Variants in FOXD1 observed in about 807,000 individuals in gnomAD.
The protein encoded by FOXD1 is forkhead box protein D1.
In FOXD1, 4 loss-of-function variants were observed where a neutral mutation model predicts 2.0. The observed-to-expected ratio is 2.03, with a 90% confidence interval of 1.00 to 4.64. The LOEUF is 4.64. FOXD1 is among the 30% of genes most tolerant of loss of function. The pLI is 0.01. For synonymous variants in FOXD1, 354 were observed against 328.5 expected (o/e 1.08, Z -0.84); for missense variants, 586 against 647.6 (o/e 0.90, Z 1.03).
chr5:73,447,185 G>C lies in FOXD1; in HGVS notation c.1178C>G (p.Ser393Trp). The C allele has an allele frequency of 9.7e-7, 1 of 1,035,592 alleles. No homozygotes were observed. The highest frequency in any genetic ancestry group is 1.2e-6 in the Non-Finnish European group (1 of 866,560). 64.2% of individuals were successfully genotyped at this position (1,035,592 alleles called of 1,614,324 possible). A position where few individuals can be genotyped will look rare whatever the true frequency, so the allele number is the denominator to read the frequency against. ...TGGCGGCGCCGCCACCGGCGAGGGC[G>C]AGGGCGAGGCCTGAGCGGCGGCGGC... ...QAAAAAQASP[S>W]PSPVAAPPAP... The change falls in exon 1 of 1, where the codon TCG becomes TGG. Residue 393 changes from serine (S) to tryptophan (W), a missense_variant. Around this residue, in one of 4 missense-constraint regions of FOXD1, gnomAD observed 253 missense variants for 234.4 expected, o/e 1.08. Coordinates refer to ENST00000615637, the MANE Select transcript of FOXD1 (RefSeq NM_004472.3). The surrounding 1 kb of genome is among the most constrained non-coding windows in gnomAD (Gnocchi z 7.8).
At position 73,448,345 on chromosome 5, in the gene FOXD1, C is replaced by T. The variant is rs1423864143; in HGVS notation, c.18G>A (p.Glu6=). 1.4e-6 allele frequency: 2 copies of T among 1,429,956 alleles called. No individual in the cohort carries two copies. Among genetic ancestry groups the T allele is most frequent in the Admixed American group, 2.5e-5 (1 of 39,988 alleles). 88.6% of individuals were successfully genotyped at this position (1,429,956 alleles called of 1,614,324 possible). A position where few individuals can be genotyped will look rare whatever the true frequency, so the allele number is the denominator to read the frequency against. ...CGGCGAGGCCAGAGGCATCGGACAT[C>T]TCAGTGCTCAGGGTCATAGCTGTGG... is the stretch of plus-strand genomic sequence containing the variant. MTLST[E]MSDASGLAEE... is the part of the protein sequence containing the mutation. Residue 6 remains glutamate (E), a synonymous_variant, in exon 1 of 1, where the codon GAG becomes GAA. Transcript: ENST00000615637.
Position 73,446,828 on chromosome 5 carries a change from A to C in FOXD1, c.*137T>G. 2.6e-6 allele frequency: 2 copies of C among 760,646 alleles called. No homozygotes were observed. Among genetic ancestry groups the C allele is most frequent in the East Asian group, 6.4e-5 (2 of 31,302 alleles). 47.1% of individuals were successfully genotyped at this position (760,646 alleles called of 1,614,324 possible). On this transcript the variant is annotated 3_prime_UTR_variant, in exon 1 of 1. Coordinates refer to ENST00000615637, the MANE Select transcript of FOXD1 (RefSeq NM_004472.3). ...CGGGCTGTTGACAGTTTTGTCCGAG[A>C]ATTCGCAGCGGCGAAAATGGGCGCG...
Position 73,447,560 on chromosome 5 carries a change from G to T in FOXD1, c.803C>A (p.Ala268Asp), listed in dbSNP as rs1261388835. ...FPPAPPPPPHAYGYGPYGCGY... is the reference protein window; with the variant it reads ...FPPAPPPPPHDYGYGPYGCGY... ...GCAGCCGTAGGGGCCGTAGCCGTAG[G>T]CATGCGGGGGCGGCGGGGGCGCGGG... The change falls in exon 1 of 1, where the codon GCC becomes GAC. Residue 268 changes from alanine to aspartate, a missense_variant. This residue lies in a region of FOXD1 where 253 missense variants were observed against 234.4 expected (regional missense o/e 1.08). Transcript: ENST00000615637. The surrounding 1 kb of genome is among the most constrained non-coding windows in gnomAD (Gnocchi z 7.8). The T allele has an allele frequency of 2.7e-5, 29 of 1,072,100 alleles. 1 individual carries two copies. Among genetic ancestry groups the T allele is most frequent in the Non-Finnish European group, 3.2e-5 (28 of 884,728 alleles). 66.4% of individuals were successfully genotyped at this position (1,072,100 alleles called of 1,614,324 possible). A position where few individuals can be genotyped will look rare whatever the true frequency, so the allele number is the denominator to read the frequency against.
Position 73,447,328 on chromosome 5 carries a change from G to A in FOXD1, c.1035C>T (p.Ser345=). 1.0e-6 allele frequency: 1 copy of A among 984,516 alleles called. No individual in the cohort carries two copies. The highest frequency in any genetic ancestry group is 1.2e-6 in the Non-Finnish European group (1 of 830,832). The allele number at this position is 984,516 out of a possible 1,614,324, so 61.0% of individuals were successfully genotyped here. A position where few individuals can be genotyped will look rare whatever the true frequency, so the allele number is the denominator to read the frequency against. ...GAALPGPLPA[S]AAKAGGPGAS... ...CGCCCGGGCCGCCCGCCTTGGCCGC[G>A]GAGGCCGGCAGGGGGCCGGGTAGGG... The change falls in exon 1 of 1, where the codon TCC becomes TCT. Residue 345 remains serine, a synonymous_variant. Coordinates refer to ENST00000615637, the MANE Select transcript of FOXD1 (RefSeq NM_004472.3). This position sits in a 1 kb window ranked among gnomAD's most constrained non-coding sequence, Gnocchi z 7.8.
chr5:73,448,525 GC>G lies in FOXD1; in HGVS notation c.-164del. On this transcript the variant is annotated 5_prime_UTR_variant, in exon 1 of 1. Transcript: ENST00000615637. ...GCTGCGCCGGGGCTGCCGGGTGGCG[GC>G]GGAGTCTCGCGCGCCGACTTTATAA... 4.3e-6 allele frequency: 1 copy of G among 234,316 alleles called. No individual in the cohort carries two copies. The highest frequency in any genetic ancestry group is 7.0e-6 in the Non-Finnish European group (1 of 143,422). 14.5% of individuals were successfully genotyped at this position (234,316 alleles called of 1,614,324 possible).
chr5:73,448,156 CT>C lies in FOXD1; in HGVS notation c.206del (p.Glu69GlyfsTer56). The C allele has an allele frequency of 1.4e-6, 2 of 1,426,132 alleles. No individual in the cohort carries two copies. Among genetic ancestry groups the C allele is most frequent in the South Asian group, 1.4e-5 (1 of 73,042 alleles). The allele number at this position is 1,426,132 out of a possible 1,614,324, so 88.3% of individuals were successfully genotyped here. A position where few individuals can be genotyped will look rare whatever the true frequency, so the allele number is the denominator to read the frequency against. ...YAGEDELEDL[E>X]EEEDDDDILL... ...GGATGTCATCGTCGTCCTCCTCCTC[CT>C]CCAGATCCTCCAGCTCGTCCTCCCC... On this transcript the variant is annotated frameshift_variant, in exon 1 of 1. Transcript: ENST00000615637. LOFTEE classifies it low-confidence loss of function (END_TRUNC).
At position 73,447,130 on chromosome 5, in the gene FOXD1, C is replaced by A; in HGVS notation, c.1233G>T (p.Ala411=). Residue 411 remains alanine (A), a synonymous_variant, in exon 1 of 1, where the codon GCG becomes GCT. Coordinates refer to ENST00000615637, the MANE Select transcript of FOXD1 (RefSeq NM_004472.3). This position sits in a 1 kb window ranked among gnomAD's most constrained non-coding sequence, Gnocchi z 7.8. ...PAPGSSGGGC[A]AQAAVGPAAA... ...CCGCCGGGCCCACGGCCGCCTGCGC[C>A]GCGCAGCCTCCTCCGCTGGATCCGG... The A allele has an allele frequency of 1.2e-5, 14 of 1,203,650 alleles. No individual in the cohort carries two copies. Among genetic ancestry groups the A allele is most frequent in the Non-Finnish European group, 1.4e-5 (14 of 968,902 alleles). 74.6% of individuals were successfully genotyped at this position (1,203,650 alleles called of 1,614,324 possible).
At position 73,447,581 on chromosome 5, in the gene FOXD1, G is replaced by A. The variant is rs1351593650; in HGVS notation, c.782C>T (p.Ala261Val). 1 of 1,120,632 alleles carries A rather than the reference G, an allele frequency of 8.9e-7. No homozygotes were observed. 69.4% of individuals were successfully genotyped at this position (1,120,632 alleles called of 1,614,324 possible). Reference protein sequence around the residue: ...PAAAAALFPPAPPPPPHAYGY... With the variant: ...PAAAAALFPPVPPPPPHAYGY... ...GTAGGCATGCGGGGGCGGCGGGGGCGCGGGCGGGAAGAGCGCGGCGGCGGC... is the reference window on the plus strand; with the variant it reads ...GTAGGCATGCGGGGGCGGCGGGGGCACGGGCGGGAAGAGCGCGGCGGCGGC... The change falls in exon 1 of 1, where the codon GCG (alanine) becomes GTG (valine). Residue 261 changes from alanine (A) to valine (V), a missense_variant. Physicochemically the swap from Ala to Val is moderately conservative, Grantham distance 64 (BLOSUM62 0). This residue lies in a region of FOXD1 where 253 missense variants were observed against 234.4 expected (regional missense o/e 1.08). Coordinates refer to ENST00000615637, the MANE Select transcript of FOXD1 (RefSeq NM_004472.3). The surrounding 1 kb of genome is among the most constrained non-coding windows in gnomAD (Gnocchi z 7.8).
In FOXD1 at chr5:73,447,848, C is replaced by T; in HGVS notation, c.515G>A (p.Ser172Asn). 1 of 1,611,632 alleles carries T rather than the reference C, an allele frequency of 6.2e-7. No individual in the cohort carries two copies. Among genetic ancestry groups the T allele is most frequent in the Non-Finnish European group, 8.5e-7 (1 of 1,178,864 alleles). Residue 172 changes from serine (S) to asparagine (N), a missense_variant, in exon 1 of 1, where the codon AGC (serine) becomes AAC (asparagine). Physicochemically the swap from Ser to Asn is conservative, Grantham distance 46. Around this residue, in one of 4 missense-constraint regions of FOXD1, gnomAD observed 104 missense variants for 175.4 expected, o/e 0.59. Coordinates refer to ENST00000615637, the MANE Select transcript of FOXD1 (RefSeq NM_004472.3). This position sits in a 1 kb window ranked among gnomAD's most constrained non-coding sequence, Gnocchi z 7.8. Reference sequence around the variant, plus strand: ...GTTGAGCGAGAGGTTGTGGCGGATGCTGTTCTGCCAGGCGGGGAACTTCTC... The same window carrying T: ...GTTGAGCGAGAGGTTGTGGCGGATGTTGTTCTGCCAGGCGGGGAACTTCTC... Reference protein sequence around the residue: ...YREKFPAWQNSIRHNLSLNDC... With the variant: ...YREKFPAWQNNIRHNLSLNDC...
chr5:73,447,292 C>T lies in FOXD1; in HGVS notation c.1071G>A (p.Leu357=), dbSNP rs2112139032. 3.2e-5 allele frequency: 32 copies of T among 986,448 alleles called. No homozygotes were observed. Among genetic ancestry groups the T allele is most frequent in the Non-Finnish European group, 3.8e-5 (32 of 832,622 alleles). 61.1% of individuals were successfully genotyped at this position (986,448 alleles called of 1,614,324 possible). A position where few individuals can be genotyped will look rare whatever the true frequency, so the allele number is the denominator to read the frequency against. The change falls in exon 1 of 1, where the codon CTG becomes CTA. Residue 357 remains leucine (L), a synonymous_variant. Transcript: ENST00000615637. The surrounding 1 kb of genome is among the most constrained non-coding windows in gnomAD (Gnocchi z 7.8). ...AKAGGPGASA[L]ARSPFSIESI... is the part of the protein sequence containing the mutation. ...TCTCGATGGAGAAGGGCGAGCGCGC[C>T]AGCGCTGAGGCGCCCGGGCCGCCCG...
rs941327560 is a variant in FOXD1 at position 73,447,114 on chromosome 5, C to G, written c.1249G>C (p.Gly417Arg). 1 of 1,266,108 alleles carries G rather than the reference C, an allele frequency of 7.9e-7. No individual in the cohort carries two copies. The highest frequency in any genetic ancestry group is 1.6e-5 in the African/African-American group (1 of 62,280). The allele number at this position is 1,266,108 out of a possible 1,614,324, so 78.4% of individuals were successfully genotyped here. ...GATCGGGTGAGCGCGGCCGCCGGGCCCACGGCCGCCTGCGCCGCGCAGCCT... is the reference window on the plus strand; with the variant it reads ...GATCGGGTGAGCGCGGCCGCCGGGCGCACGGCCGCCTGCGCCGCGCAGCCT... Reference protein sequence around the residue: ...GGGCAAQAAVGPAAALTRSLV... With the variant: ...GGGCAAQAAVRPAAALTRSLV... The change falls in exon 1 of 1, where the codon GGC (glycine) becomes CGC (arginine). Residue 417 changes from glycine to arginine, a missense_variant. Physicochemically the swap from Gly to Arg is moderately radical, Grantham distance 125. This residue lies in a region of FOXD1 where 46 missense variants were observed against 78.6 expected (regional missense o/e 0.58). Coordinates refer to ENST00000615637, the MANE Select transcript of FOXD1 (RefSeq NM_004472.3). This position sits in a 1 kb window ranked among gnomAD's most constrained non-coding sequence, Gnocchi z 7.8.
chr5:73,447,623 C>T lies in FOXD1; in HGVS notation c.740G>A (p.Gly247Asp). 1 of 1,343,852 alleles carries T rather than the reference C, an allele frequency of 7.4e-7. No individual in the cohort carries two copies. Among genetic ancestry groups the T allele is most frequent in the East Asian group, 3.1e-5 (1 of 32,054 alleles). 83.2% of individuals were successfully genotyped at this position (1,343,852 alleles called of 1,614,324 possible). A position where few individuals can be genotyped will look rare whatever the true frequency, so the allele number is the denominator to read the frequency against. The change falls in exon 1 of 1, where the codon GGC becomes GAC. Residue 247 changes from glycine (G) to aspartate (D), a missense_variant. Gly to Asp is a moderately conservative substitution (Grantham distance 94, BLOSUM62 -1). Around this residue, in one of 4 missense-constraint regions of FOXD1, gnomAD observed 253 missense variants for 234.4 expected, o/e 1.08. Transcript: ENST00000615637. This position sits in a 1 kb window ranked among gnomAD's most constrained non-coding sequence, Gnocchi z 7.8. Reference protein sequence around the residue: ...LLLRGAGAAGGAGDPAAAAAL... With the variant: ...LLLRGAGAAGDAGDPAAAAAL... ...GGCGGCGGCTGCCGGGTCGCCCGCG[C>T]CCCCTGCGGCTCCCGCGCCGCGCAG...
Position 73,447,135 on chromosome 5 carries a change from A to T in FOXD1, c.1228T>A (p.Cys410Ser). 2 of 1,193,654 alleles carry T rather than the reference A, an allele frequency of 1.7e-6. No individual in the cohort carries two copies. Among genetic ancestry groups the T allele is most frequent in the Non-Finnish European group, 2.1e-6 (2 of 962,878 alleles). 73.9% of individuals were successfully genotyped at this position (1,193,654 alleles called of 1,614,324 possible). The change falls in exon 1 of 1, where the codon TGC (cysteine) becomes AGC (serine). Residue 410 changes from cysteine to serine, a missense_variant. Physicochemically the swap from Cys to Ser is moderately radical, Grantham distance 112. Around this residue, in one of 4 missense-constraint regions of FOXD1, gnomAD observed 253 missense variants for 234.4 expected, o/e 1.08. Coordinates refer to ENST00000615637, the MANE Select transcript of FOXD1 (RefSeq NM_004472.3). The surrounding 1 kb of genome is among the most constrained non-coding windows in gnomAD (Gnocchi z 7.8). ...GGGCCCACGGCCGCCTGCGCCGCGC[A>T]GCCTCCTCCGCTGGATCCGGGAGCT... ...PPAPGSSGGG[C>S]AAQAAVGPAA...
At position 73,447,122 on chromosome 5, in the gene FOXD1, G is replaced by T; in HGVS notation, c.1241C>A (p.Ala414Glu). 4.9e-6 allele frequency: 6 copies of T among 1,225,402 alleles called. No homozygotes were observed. The highest frequency in any genetic ancestry group is 6.1e-6 in the Non-Finnish European group (6 of 982,484). The allele number at this position is 1,225,402 out of a possible 1,614,324, so 75.9% of individuals were successfully genotyped here. A position where few individuals can be genotyped will look rare whatever the true frequency, so the allele number is the denominator to read the frequency against. Residue 414 changes from alanine to glutamate, a missense_variant, in exon 1 of 1, where the codon GCG (alanine) becomes GAG (glutamate). Coordinates refer to ENST00000615637, the MANE Select transcript of FOXD1 (RefSeq NM_004472.3). The surrounding 1 kb of genome is among the most constrained non-coding windows in gnomAD (Gnocchi z 7.8). ...GSSGGGCAAQAAVGPAAALTR... is the reference protein window; with the variant it reads ...GSSGGGCAAQEAVGPAAALTR... ...GAGCGCGGCCGCCGGGCCCACGGCC[G>T]CCTGCGCCGCGCAGCCTCCTCCGCT...
In FOXD1 at chr5:73,448,368, T is replaced by G; in HGVS notation, c.-6A>C. On this transcript the variant is annotated 5_prime_UTR_variant, in exon 1 of 1. Transcript: ENST00000615637. Reference sequence around the variant, plus strand: ...ATCTCAGTGCTCAGGGTCATAGCTGTGGCGCGGCGGCGGCGGGGCGGCGCA... The same window carrying G: ...ATCTCAGTGCTCAGGGTCATAGCTGGGGCGCGGCGGCGGCGGGGCGGCGCA... 4.0e-6 allele frequency: 5 copies of G among 1,248,884 alleles called. No homozygotes were observed. The highest frequency in any genetic ancestry group is 4.7e-5 in the South Asian group (2 of 42,622). The allele number at this position is 1,248,884 out of a possible 1,614,324, so 77.4% of individuals were successfully genotyped here. A position where few individuals can be genotyped will look rare whatever the true frequency, so the allele number is the denominator to read the frequency against.
rs981601831 is a variant in FOXD1, at chr5:73,448,590, C to A, written c.-228G>T. On this transcript the variant is annotated 5_prime_UTR_variant, in exon 1 of 1. Transcript: ENST00000615637. Reference sequence around the variant, plus strand: ...GCGGTAGCCGCGCGGATGCTGCGCTCCCTGGGCTCCGCTCGCGCCCGGCCC... The same window carrying A: ...GCGGTAGCCGCGCGGATGCTGCGCTACCTGGGCTCCGCTCGCGCCCGGCCC... The A allele has an allele frequency of 6.5e-6, 1 of 153,586 alleles. No individual in the cohort carries two copies. The highest frequency in any genetic ancestry group is 2.4e-5 in the African/African-American group (1 of 41,456). The allele number at this position is 153,586 out of a possible 1,614,324, so 9.5% of individuals were successfully genotyped here.
At position 73,446,504 on chromosome 5, in the gene FOXD1, CAGACA is replaced by C. The variant is rs1745496360; in HGVS notation, c.*456_*460del. 1 of 157,794 alleles carries C rather than the reference CAGACA, an allele frequency of 6.3e-6. No homozygotes were observed. The highest frequency in any genetic ancestry group is 1.7e-4 in the South Asian group (1 of 5,724). 9.8% of individuals were successfully genotyped at this position (157,794 alleles called of 1,614,324 possible). A position where few individuals can be genotyped will look rare whatever the true frequency, so the allele number is the denominator to read the frequency against. ...TTTTCCTTTTCATGAAAAAGTACAC[CAGACA>C]AGTGTCCTCAAATAAAAAAGAATTG... On this transcript the variant is annotated 3_prime_UTR_variant, in exon 1 of 1. Transcript: ENST00000615637.
Position 73,446,972 on chromosome 5 carries a change from T to C in FOXD1, c.1391A>G (p.Asn464Ser), listed in dbSNP as rs1260991256. 8 of 1,545,388 alleles carry C rather than the reference T, an allele frequency of 5.2e-6. No individual in the cohort carries two copies. The highest frequency in any genetic ancestry group is 2.5e-5 in the East Asian group (1 of 40,608). ...CGCGCTAACATAGCGTTATTAACAA[T>C]TGGAAATCCTAGCAGTAAAGTTCTC... is the stretch of plus-strand genomic sequence containing the variant. ...SVENFTARIS[N>S]C The change falls in exon 1 of 1, where the codon AAT becomes AGT. Residue 464 changes from asparagine to serine, a missense_variant. Asn to Ser is a conservative substitution (Grantham distance 46, BLOSUM62 1). Transcript: ENST00000615637.
In FOXD1 at chr5:73,448,373, C is replaced by T. The variant is rs1402151463; in HGVS notation, c.-11G>A. ...AGTGCTCAGGGTCATAGCTGTGGCG[C>T]GGCGGCGGCGGGGCGGCGCATGGGG... On this transcript the variant is annotated 5_prime_UTR_variant, in exon 1 of 1. Transcript: ENST00000615637. 2.5e-6 allele frequency: 3 copies of T among 1,214,036 alleles called. No individual in the cohort carries two copies. Among genetic ancestry groups the T allele is most frequent in the Admixed American group, 4.1e-5 (1 of 24,420 alleles). The allele number at this position is 1,214,036 out of a possible 1,614,324, so 75.2% of individuals were successfully genotyped here.
Sources: allele counts gnomAD v4.1 joint callset, GRCh38; gene constraint gnomAD v4.1.1; regional missense constraint gnomAD v4.1.1; non-coding constraint Gnocchi (gnomAD v3.1); transcripts MANE v1.5; gene names NCBI Gene and HGNC (gene_info 2026-07-23, HGNC 2026-07-21).